ATF1: variants seen among roughly 807,000 people sequenced by gnomAD.
ATF1 encodes cyclic AMP-dependent transcription factor ATF-1.
Under a neutral mutation model 34.7 loss-of-function variants are expected in ATF1, and 16 were observed. The ratio of observed to expected loss-of-function variants is 0.46; its 90% CI spans 0.31 to 0.70. The LOEUF is 0.70. ATF1 is among the 30% of genes least tolerant of loss of function. The pLI is 0.05. For missense variants in ATF1, 255 were observed against 321.6 expected, an observed-to-expected ratio of 0.79 and a Z score of 1.58; for synonymous variants, 105 against 113.1, an observed-to-expected ratio of 0.93 and a Z score of 0.46.
At chr12:50,768,602 TTC>T (rs1940696689) in intron 1 of ATF1, among the ~76,000 whole-genome samples, 1 of 152,218 alleles carries the variant, frequency 6.6e-6, no homozygotes, top group Admixed American at 6.5e-5. Flanking sequence ...TCATCTGTCT[TTC>T]TGTGTAGCTA....
At position 50,782,981 on chromosome 12, in the gene ATF1, C is replaced by T. The variant is rs137918012; in HGVS notation, c.93+2743C>T. On this transcript the variant is annotated intron_variant, in intron 2 of 6. Transcript: ENST00000262053. Reference sequence around the variant, plus strand: ...CTGGGATTACAGGCATGAGCCACTGCACCCGGCTGATTTCAGCTGTTTTCT... The same window carrying T: ...CTGGGATTACAGGCATGAGCCACTGTACCCGGCTGATTTCAGCTGTTTTCT... 6.7e-3 allele frequency among the ~76,000 whole-genome samples: 1,018 copies of T among 152,064 alleles called. 5 individuals carry two copies. Among genetic ancestry groups the T allele is most frequent in the Non-Finnish European group, 0.01 (705 of 67,966 alleles).
At chr12:50,797,633 TA>T (rs1941434225) in intron 3 of ATF1, among the ~76,000 whole-genome samples, 1 of 152,008 alleles carries the variant, frequency 6.6e-6, no homozygotes, top group Non-Finnish European at 1.5e-5. Flanking sequence ...GATGCCCACC[TA>T]ATTTTTTTTA....
At position 50,772,744 on chromosome 12, in the gene ATF1, G is replaced by A. The variant is rs192651965; in HGVS notation, c.-6-7396G>A. On this transcript the variant is annotated intron_variant, in intron 1 of 6. Coordinates refer to ENST00000262053, the MANE Select transcript of ATF1 (RefSeq NM_005171.5). ...CACTTTGTTACCCAGGCTGGAGTGC[G>A]CCTAGCCTTTTTTTTTCCCTTCAAC... 9.2e-5 allele frequency among the ~76,000 whole-genome samples: 14 copies of A among 151,924 alleles called. No individual in the cohort carries two copies. The East Asian group carries it at 2.1e-3, about 23-fold the overall frequency.
intron 3 of ATF1, among the ~76,000 whole-genome samples, chr12:50,797,385 C>T (rs1252531077): frequency 6.6e-6 from 1 of 152,120 alleles, no homozygotes; most frequent in Non-Finnish European, 1.5e-5. Flanking sequence ...GTGAAAAGAC[C>T]AATTACCTAG....
At chr12:50,816,268 A>G (rs1941841423) in intron 6 of ATF1, among the ~76,000 whole-genome samples, 1 of 151,982 alleles carries the variant, frequency 6.6e-6, no homozygotes, top group Non-Finnish European at 1.5e-5. Context: ...TTGAGGCAGC[A>G]TGATCGCACC....
At chr12:50,788,970 GC>G (rs1941245300) in intron 2 of ATF1, among the ~76,000 whole-genome samples, 1 of 152,168 alleles carries the variant, frequency 6.6e-6, no homozygotes. Context: ...GCTGTGATGT[GC>G]CTTATGGAGG....
At chr12:50,790,197 A>ATTTTTTTTTTTTTTTTTTTTTTTTTTTT (rs71086483) in intron 2 of ATF1, among the ~76,000 whole-genome samples, 1 of 119,414 alleles carries the variant, frequency 8.4e-6, no homozygotes, top group African/African-American at 3.2e-5. Flanking sequence ...TGTGGGTTCT[A>ATTTTTTTTTTTTTTTTTTTTTTTTTTTT]TTTTTTTTTT....
At chr12:50,779,749 G>A (rs1941013514) in intron 1 of ATF1, among the ~76,000 whole-genome samples, 1 of 151,856 alleles carries the variant, frequency 6.6e-6, no homozygotes, top group South Asian at 2.1e-4. Context: ...ACCTCCTTAG[G>A]TATAGTTTTA....
intron 1 of ATF1, chr12:50,764,581 G>C (rs1333457423): frequency 2.0e-5 from 3 of 152,440 alleles, no homozygotes; most frequent in Non-Finnish European, 2.9e-5. Context: ...CCCGCCGCGG[G>C]GTGGCTTTCG....
At chr12:50,804,025 G>C (rs1209328844) in intron 3 of ATF1, among the ~76,000 whole-genome samples, 1 of 152,154 alleles carries the variant, frequency 6.6e-6, no homozygotes, top group Middle Eastern at 3.2e-3. Flanking sequence ...TTAGATTATA[G>C]TGGTGGTTGC....
chr12:50,792,312 T>G (rs956995689), intron 2 of ATF1, among the ~76,000 whole-genome samples: 1 of 152,274 alleles, frequency 6.6e-6, no homozygotes, highest in African/African-American at 2.4e-5. Flanking sequence ...TAATCAGCTC[T>G]GAAATGTGTT....
rs780188239 is a variant in ATF1 at position 50,780,137 on chromosome 12, T to G, written c.-6-3T>G. On this transcript the variant is annotated splice_polypyrimidine_tract_variant and splice_region_variant and intron_variant, in intron 1 of 6. Coordinates refer to ENST00000262053, the MANE Select transcript of ATF1 (RefSeq NM_005171.5). ...TTTTAACGGACTTTTTTCCCCCTTA[T>G]AGTTGATTATGGAAGATTCCCACAA... 12 of 1,601,138 alleles carry G rather than the reference T, an allele frequency of 7.5e-6. No individual in the cohort carries two copies. In the South Asian group the frequency reaches 8.8e-5, roughly 12 times the overall value.
chr12:50,795,866 C>T (rs1406801934), intron 2 of ATF1, 43 bp from the exon 3 acceptor site: 4 of 1,456,634 alleles, frequency 2.7e-6, no homozygotes, highest in East Asian at 2.3e-5. Context: ...TGTTTCTTTT[C>T]CCACCTGCAT....
chr12:50,819,837 T>TGGA lies in ATF1; in HGVS notation c.*60_*62dup. The TGGA allele has an allele frequency of 2.2e-6, 3 of 1,371,348 alleles. No homozygotes were observed. The highest frequency in any genetic ancestry group is 3.0e-6 in the Non-Finnish European group (3 of 1,002,214). The allele number at this position is 1,371,348 out of a possible 1,614,324, so 84.9% of individuals were successfully genotyped here. A position where few individuals can be genotyped will look rare whatever the true frequency, so the allele number is the denominator to read the frequency against. ...CATAAAAATTAAATGGATTTCCTAG[T>TGGA]GGAGTTTTATAAATTAAAAGGTCAA... On this transcript the variant is annotated 3_prime_UTR_variant, in exon 7 of 7. Coordinates refer to ENST00000262053, the MANE Select transcript of ATF1 (RefSeq NM_005171.5).
At position 50,766,259 on chromosome 12, in the gene ATF1, C is replaced by T. The variant is rs4768861; in HGVS notation, c.-7+1952C>T. Among the ~76,000 whole-genome samples the T allele has an allele frequency of 2.0e-3, 304 of 152,250 alleles. 1 individual carries two copies. The highest frequency in any genetic ancestry group is 0.02 in the East Asian group (101 of 5,178). On this transcript the variant is annotated intron_variant, in intron 1 of 6. Transcript: ENST00000262053. ...TCCTAAGACAGTGGGTTCGAGGCCCCTCTTAATAAAAGGCAAGGACGCTTA... is the reference window on the plus strand; with the variant it reads ...TCCTAAGACAGTGGGTTCGAGGCCCTTCTTAATAAAAGGCAAGGACGCTTA...
At chr12:50,810,634 A>C (rs1257761018) in intron 4 of ATF1, among the ~76,000 whole-genome samples, 1 of 152,194 alleles carries the variant, frequency 6.6e-6, no homozygotes, top group Non-Finnish European at 1.5e-5. Context: ...TAACACCGCC[A>C]ATCAAGATTG....
chr12:50,766,572 T>C (rs1940641326), intron 1 of ATF1, among the ~76,000 whole-genome samples: 1 of 151,954 alleles, frequency 6.6e-6, no homozygotes. Context: ...TAGTTACATA[T>C]GTATACATGT....
intron 3 of ATF1, among the ~76,000 whole-genome samples, chr12:50,798,642 C>T (rs189570196): frequency 2.0e-5 from 3 of 152,100 alleles, no homozygotes; most frequent in African/African-American, 7.2e-5. Flanking sequence ...GTAGGGGTCT[C>T]TCAGGAAGGC....
chr12:50,807,800 GTGT>G (rs1941644769), intron 3 of ATF1, among the ~76,000 whole-genome samples: 1 of 28,242 alleles, frequency 3.5e-5, no homozygotes, highest in Non-Finnish European at 1.9e-4. Flanking sequence ...AATTGTGTGT[GTGT>G]TTTTTTTTTG....
Sources: gnomAD v4.1 joint callset for allele counts (sites outside exome capture counted in the v4.1 genomes callset) on GRCh38, gnomAD v4.1.1 for gene constraint, MANE v1.5 for transcripts, NCBI Gene and HGNC (gene_info 2026-07-23, HGNC 2026-07-21) for gene names.